Variants in LGALS8 observed in about 807,000 individuals in gnomAD.
The protein encoded by LGALS8 is galectin-8.
LGALS8 carries 30 observed loss-of-function variants against 35.9 expected under a neutral mutation model. The observed-to-expected ratio is 0.83, with a 90% CI of 0.62 to 1.13. The LOEUF is 1.13. LGALS8 is among the 50% of genes most tolerant of loss of function. The probability of loss-of-function intolerance (pLI) is 0.00; values close to 1 mark genes in which losing one functional copy is unlikely to be tolerated. For missense variants in LGALS8, 366 were observed against 388.7 expected, an observed-to-expected ratio of 0.94 and a Z score of 0.49; for synonymous variants, 138 against 136.1, an observed-to-expected ratio of 1.01 and a Z score of -0.10.
At chr1:236,527,093 T>C (rs956636094) in intron 2 of LGALS8, among the ~76,000 whole-genome samples, 1 of 150,724 alleles carries the variant, frequency 6.6e-6, no homozygotes, top group Non-Finnish European at 1.5e-5. Flanking sequence ...CATCCCAAGG[T>C]TGTAAACTGA....
In LGALS8 at chr1:236,526,104, A is replaced by G; in HGVS notation, c.34A>G (p.Ile12Val). The G allele has an allele frequency of 6.2e-7, 1 of 1,609,838 alleles. No individual in the cohort carries two copies. The highest frequency in any genetic ancestry group is 8.5e-7 in the Non-Finnish European group (1 of 1,176,450). Residue 12 changes from isoleucine (I) to valine (V), a missense_variant, in exon 2 of 10, where the codon ATC (isoleucine) becomes GTC (valine). Physicochemically the swap from Ile to Val is conservative, Grantham distance 29. Coordinates refer to ENST00000366584, the MANE Select transcript of LGALS8 (RefSeq NM_201544.4). This position sits in a 1 kb window ranked among gnomAD's most constrained non-coding sequence, Gnocchi z 4.6. ...MLSLNNLQNI[I>V]YNPVIPFVGT... ...GTCCTTAAACAACCTACAGAATATC[A>G]TCTATAACCCGGTAACTGATTTCTA... is the stretch of plus-strand genomic sequence containing the variant.
chr1:236,539,048 T>C lies in LGALS8; in HGVS notation c.304T>C (p.Ser102Pro). The C allele has an allele frequency of 5.0e-6, 8 of 1,613,986 alleles. No individual in the cohort carries two copies. The highest frequency in any genetic ancestry group is 6.8e-6 in the Non-Finnish European group (8 of 1,180,008). ...TYDTPFKREK[S>P]FEIVIMVLKD... ...TGACACGCCTTTCAAAAGAGAAAAG[T>C]CTTTTGAGATCGTGATTATGGTGCT... Residue 102 changes from serine (S) to proline (P), a missense_variant, in exon 4 of 10, where the codon TCT becomes CCT. Coordinates refer to ENST00000366584, the MANE Select transcript of LGALS8 (RefSeq NM_201544.4).
chr1:236,536,932 A>G (rs2103086484), intron 2 of LGALS8, among the ~76,000 whole-genome samples: 1 of 151,786 alleles, frequency 6.6e-6, no homozygotes, highest in East Asian at 1.9e-4. Flanking sequence ...ACAAAATACT[A>G]TGAATAGTAT....
chr1:236,547,553 G>A (rs1662447913), intron 9 of LGALS8, among the ~76,000 whole-genome samples: 1 of 91,656 alleles, frequency 1.1e-5, no homozygotes. Context: ...GTTTGAGGCA[G>A]AAAAGTCAGT....
chr1:236,538,851 T>C (rs771066255), intron 3 of LGALS8, 28 bp from the exon 4 acceptor site: 4 of 1,572,456 alleles, frequency 2.5e-6, no homozygotes, highest in African/African-American at 2.7e-5. Context: ...TGAGCACTCA[T>C]GGGGCCCCTG....
At chr1:236,529,755 T>A (rs1661043697) in intron 2 of LGALS8, among the ~76,000 whole-genome samples, 1 of 149,966 alleles carries the variant, frequency 6.7e-6, no homozygotes, top group Non-Finnish European at 1.5e-5. Flanking sequence ...TTCTAGCAAT[T>A]CTCCTGCCTC....
upstream of LGALS8, among the ~76,000 whole-genome samples, chr1:236,522,670 C>T (rs1368440013): frequency 2.0e-5 from 3 of 152,186 alleles, no homozygotes; most frequent in Admixed American, 2.0e-4. Flanking sequence ...ACACTATGCA[C>T]TGGAGACTGT....
At chr1:236,524,212 C>T (rs553091711) in intron 1 of LGALS8, 151 bp downstream of exon 1, 40 of 456,444 alleles carry the variant, frequency 8.8e-5, no homozygotes, top group African/African-American at 5.8e-4. Context: ...CACCCCGACC[C>T]GCCGGTCCTC....
Position 236,538,965 on chromosome 1 carries a change from G to T in LGALS8, c.221G>T (p.Gly74Val). 1 of 1,614,122 alleles carries T rather than the reference G, an allele frequency of 6.2e-7. No homozygotes were observed. Among genetic ancestry groups the T allele is most frequent in the East Asian group, 2.2e-5 (1 of 44,882 alleles). ...TTCAATCCTCGTTTCAAAAGGGCCG[G>T]CTGCATTGTTTGCAATACTTTGATA... ...FHFNPRFKRA[G>V]CIVCNTLINE... The change falls in exon 4 of 10, where the codon GGC (glycine) becomes GTC (valine). Residue 74 changes from glycine (G) to valine (V), a missense_variant. Transcript: ENST00000366584.
intron 2 of LGALS8, among the ~76,000 whole-genome samples, chr1:236,528,738 T>C (rs1660972748): frequency 6.6e-6 from 1 of 151,700 alleles, no homozygotes; most frequent in Non-Finnish European, 1.5e-5. Flanking sequence ...AGTTTTGCCA[T>C]GTTTCTCAGT....
Position 236,534,806 on chromosome 1 carries a change from C to A in LGALS8, c.46-2691C>A, listed in dbSNP as rs531468342. Among the ~76,000 whole-genome samples, 441 of 152,112 alleles carry A rather than the reference C, an allele frequency of 2.9e-3. 1 individual carries two copies. Among genetic ancestry groups the A allele is most frequent in the Non-Finnish European group, 4.6e-3 (316 of 67,992 alleles). On this transcript the variant is annotated intron_variant, in intron 2 of 9. Transcript: ENST00000366584. ...CGGTAGCTTCTCCCAAAGCTCATTA[C>A]CTCCCAAAGCAACCCCAGTACTTTG...
rs1167648819 is a variant in LGALS8 at position 236,552,219 on chromosome 1, C to T, written c.*4058C>T. 37 of 630,418 alleles carry T rather than the reference C, an allele frequency of 5.9e-5. No individual in the cohort carries two copies. The highest frequency in any genetic ancestry group is 8.2e-5 in the South Asian group (4 of 48,790). The allele number at this position is 630,418 out of a possible 1,614,324, so 39.1% of individuals were successfully genotyped here. ...AACTTTTTAAACATTAGTTCACATG[C>T]GTTTATTCACTTCATTATGTTCATT... On this transcript the variant is annotated 3_prime_UTR_variant, in exon 10 of 10. Transcript: ENST00000366584.
intron 8 of LGALS8, 35 bp downstream of exon 8, chr1:236,543,683 A>C (rs761815281): frequency 1.3e-6 from 2 of 1,482,366 alleles, no homozygotes; most frequent in South Asian, 2.3e-5. Context: ...CAGTGCAGAT[A>C]CTTCCGTGCC....
At chr1:236,543,438 C>G in intron 7 of LGALS8, 122 bp from the exon 8 acceptor site, 3 of 794,576 alleles carry the variant, frequency 3.8e-6, no homozygotes, top group Non-Finnish European at 6.6e-6. Flanking sequence ...CAGACTGTCT[C>G]TCCCCTCCTG....
chr1:236,547,845 A>T (rs1662478995), intron 9 of LGALS8, among the ~76,000 whole-genome samples, 167 bp from the exon 10 acceptor site: 2 of 144,022 alleles, frequency 1.4e-5, no homozygotes, highest in Admixed American at 1.4e-4. Context: ...ACCACCAGGG[A>T]CACTTTAGTT....
intron 7 of LGALS8, chr1:236,543,126 G>T: frequency 8.6e-7 from 1 of 1,160,534 alleles, no homozygotes. Context: ...CACAATAGAG[G>T]CCCAAAGCAG....
At chr1:236,545,202 G>T in intron 9 of LGALS8, 1 of 234,526 alleles carries the variant, frequency 4.3e-6, no homozygotes, top group African/African-American at 2.2e-5. Context: ...CTTGTCTCAG[G>T]ACTGGAGTCA....
At position 236,548,166 on chromosome 1, in the gene LGALS8, C is replaced by T. The variant is rs755232899; in HGVS notation, c.*5C>T. ...CTGGAAGTAAGGAGCTGGTAGCCTA[C>T]CTACACAGCTGCTACAAAAACCAAA... On this transcript the variant is annotated 3_prime_UTR_variant, in exon 10 of 10. Transcript: ENST00000366584. 84 of 1,610,894 alleles carry T rather than the reference C, an allele frequency of 5.2e-5. No homozygotes were observed. Among genetic ancestry groups the T allele is most frequent in the Admixed American group, 1.2e-4 (7 of 59,654 alleles).
intron 8 of LGALS8, among the ~76,000 whole-genome samples, chr1:236,544,184 C>G (rs1052404574): frequency 2.6e-5 from 4 of 152,172 alleles, no homozygotes; most frequent in African/African-American, 9.7e-5. Flanking sequence ...AACTCCTGAC[C>G]TCAAGTGATC....
Sources: allele counts gnomAD v4.1 joint callset (sites outside exome capture counted in the v4.1 genomes callset), GRCh38; gene constraint gnomAD v4.1.1; non-coding constraint Gnocchi (gnomAD v3.1); transcripts MANE v1.5; gene names NCBI Gene and HGNC (gene_info 2026-07-23, HGNC 2026-07-21).